PERP: variants seen among roughly 807,000 people sequenced by gnomAD.
PERP encodes p53 apoptosis effector related to PMP-22.
A neutral mutation model predicts 20.3 loss-of-function variants in PERP; 11 were observed. That is an observed-to-expected ratio of 0.54 (90% CI 0.34 to 0.90). The LOEUF (loss-of-function observed/expected upper bound fraction) is 0.90, where lower values mean the gene tolerates loss of function less well. Ranked by LOEUF, PERP falls within the 40% of genes least tolerant of loss-of-function variation. PERP has a pLI of 0.02. For synonymous variants in PERP, 101 were observed against 102.0 expected (o/e 0.99, Z 0.06); for missense variants, 224 against 249.4 (o/e 0.90, Z 0.69).
At position 138,096,600 on chromosome 6, in the gene PERP, C is replaced by G. The variant is rs1346814542; in HGVS notation, c.215-106G>C. 3 of 1,257,074 alleles carry G rather than the reference C, an allele frequency of 2.4e-6. No homozygotes were observed. In the East Asian group the frequency reaches 7.8e-5, roughly 33 times the overall value. The allele number at this position is 1,257,074 out of a possible 1,614,324, so 77.9% of individuals were successfully genotyped here. ...TTGGGCTTTTTTTCCCTACTAGTTACATTTGGATGGAGGGACAGTTTTTCT... is the reference window on the plus strand; with the variant it reads ...TTGGGCTTTTTTTCCCTACTAGTTAGATTTGGATGGAGGGACAGTTTTTCT... On this transcript the variant is annotated intron_variant, in intron 1 of 2. Coordinates refer to ENST00000421351, the MANE Select transcript of PERP (RefSeq NM_022121.5).
At chr6:138,093,718 A>T (rs1418536750) in intron 2 of PERP, among the ~76,000 whole-genome samples, 2 of 152,166 alleles carry the variant, frequency 1.3e-5, no homozygotes, top group Admixed American at 6.5e-5. Context: ...ATTTCTGCCA[A>T]ATTTAAATTG....
chr6:138,100,253 A>G (rs1350988895), intron 1 of PERP, among the ~76,000 whole-genome samples: 1 of 152,212 alleles, frequency 6.6e-6, no homozygotes, highest in Non-Finnish European at 1.5e-5. Flanking sequence ...TGAAAAGTTA[A>G]TAACTTTATG....
rs749215020 is a variant in PERP at position 138,091,091 on chromosome 6, A to G, written c.*951T>C. On this transcript the variant is annotated 3_prime_UTR_variant, in exon 3 of 3. Transcript: ENST00000421351. ...GTTGCAAACTATCAGAAGCCTGTCT[A>G]TATGATAGAGCCCAGATAAACCTGA... The G allele has an allele frequency of 1.3e-5, 2 of 152,254 alleles. No homozygotes were observed. The highest frequency in any genetic ancestry group is 2.4e-5 in the African/African-American group (1 of 41,470). The allele number at this position is 152,254 out of a possible 1,614,324, so 9.4% of individuals were successfully genotyped here. A position where few individuals can be genotyped will look rare whatever the true frequency, so the allele number is the denominator to read the frequency against.
chr6:138,103,062 G>T (rs942553158), intron 1 of PERP, among the ~76,000 whole-genome samples: 2 of 150,198 alleles, frequency 1.3e-5, no homozygotes, highest in Non-Finnish European at 3.0e-5. Flanking sequence ...TTGTGCCACT[G>T]CACTCCAGCC....
In PERP at chr6:138,103,098, C is replaced by CAAAA. The variant is rs10651274; in HGVS notation, c.214+4025_214+4028dup. Among the ~76,000 whole-genome samples the CAAAA allele has an allele frequency of 1.5e-4, 22 of 147,022 alleles. 1 individual carries two copies. Among genetic ancestry groups the CAAAA allele is most frequent in the East Asian group, 1.2e-3 (6 of 4,852 alleles). ...TGCGCGACAGACCGAGACTCCGTCTCAAAAAAAAAAGAGTAATCTGTCTGC... is the reference window on the plus strand; with the variant it reads ...TGCGCGACAGACCGAGACTCCGTCTCAAAAAAAAAAAAAAGAGTAATCTGTCTGC... On this transcript the variant is annotated intron_variant, in intron 1 of 2. Coordinates refer to ENST00000421351, the MANE Select transcript of PERP (RefSeq NM_022121.5).
At chr6:138,092,465 C>G (rs937538255) in intron 2 of PERP, among the ~76,000 whole-genome samples, 197 bp from the exon 3 acceptor site, 1 of 152,172 alleles carries the variant, frequency 6.6e-6, no homozygotes, top group Admixed American at 6.5e-5. Context: ...ATGCCTGGCA[C>G]TGAGCAGCAT....
Position 138,107,292 on chromosome 6 carries a change from G to A in PERP, c.49C>T (p.Leu17=), listed in dbSNP as rs1160454646. ...ACERCRWILP[L]LLLSAIAFDI... The stretch of plus-strand genomic sequence containing the variant: ...AAGGCGATGGCGCTGAGTAGGAGCA[G>A]GGGCAGGATCCAGCGGCAGCGCTCG... The change falls in exon 1 of 3, where the codon CTG becomes TTG. Residue 17 remains leucine (L), a synonymous_variant. Transcript: ENST00000421351. This position sits in a 1 kb window ranked among gnomAD's most constrained non-coding sequence, Gnocchi z 4.8. 1 of 1,608,714 alleles carries A rather than the reference G, an allele frequency of 6.2e-7. No homozygotes were observed. Among genetic ancestry groups the A allele is most frequent in the East Asian group, 2.2e-5 (1 of 44,806 alleles).
Position 138,107,308 on chromosome 6 carries a change from G to T in PERP, c.33C>A (p.Cys11Ter). 1 of 1,604,482 alleles carries T rather than the reference G, an allele frequency of 6.2e-7. No homozygotes were observed. ...GTAGGAGCAGGGGCAGGATCCAGCG[G>T]CAGCGCTCGCAGGCCAGGCCGCAGC... MIRCGLACER[C>*]RWILPLLLLS... The change falls in exon 1 of 3, where the codon TGC becomes TGA. Residue 11 changes from cysteine to a stop codon, truncating the protein, a stop_gained. Transcript: ENST00000421351. LOFTEE classifies it high-confidence loss of function. The surrounding 1 kb of genome is among the most constrained non-coding windows in gnomAD (Gnocchi z 4.8).
rs1021794933 is a variant in PERP at position 138,089,744 on chromosome 6, A to G, written c.*2298T>C. On this transcript the variant is annotated 3_prime_UTR_variant, in exon 3 of 3. Transcript: ENST00000421351. ...GATCAACAAGGAATGGCAGATCTCT[A>G]TACTAGAACAAGGCTGAAGGAAGCA... The G allele has an allele frequency of 2.6e-5, 4 of 152,200 alleles. No homozygotes were observed. The highest frequency in any genetic ancestry group is 9.7e-5 in the African/African-American group (4 of 41,440). 9.4% of individuals were successfully genotyped at this position (152,200 alleles called of 1,614,324 possible). A position where few individuals can be genotyped will look rare whatever the true frequency, so the allele number is the denominator to read the frequency against.
At chr6:138,098,706 G>C (rs1210921151) in intron 1 of PERP, among the ~76,000 whole-genome samples, 2 of 152,082 alleles carry the variant, frequency 1.3e-5, no homozygotes, top group African/African-American at 4.8e-5. Context: ...TCTTCCTCTA[G>C]ATTCATGAGT....
chr6:138,095,019 C>A (rs1331735177), intron 2 of PERP, among the ~76,000 whole-genome samples: 1 of 152,144 alleles, frequency 6.6e-6, no homozygotes, highest in Non-Finnish European at 1.5e-5. Context: ...CCACACCTGG[C>A]CTTAGTGTGT....
chr6:138,107,234 A>G lies in PERP; in HGVS notation c.107T>C (p.Leu36Ser), dbSNP rs1288958007. 1 of 1,612,180 alleles carries G rather than the reference A, an allele frequency of 6.2e-7. No individual in the cohort carries two copies. The highest frequency in any genetic ancestry group is 8.5e-7 in the Non-Finnish European group (1 of 1,179,686). ...CGTCTGGCCGTGGTCGCTAGACTGCAACCAGCCGCGGCCGGCCAGCGCGAT... is the reference window on the plus strand; with the variant it reads ...CGTCTGGCCGTGGTCGCTAGACTGCGACCAGCCGCGGCCGGCCAGCGCGAT... ...DIIALAGRGW[L>S]QSSDHGQTSS... Residue 36 changes from leucine to serine, a missense_variant, in exon 1 of 3, where the codon TTG becomes TCG. Coordinates refer to ENST00000421351, the MANE Select transcript of PERP (RefSeq NM_022121.5). This position sits in a 1 kb window ranked among gnomAD's most constrained non-coding sequence, Gnocchi z 4.8.
In PERP at chr6:138,091,893, A is replaced by G. The variant is rs1775589240; in HGVS notation, c.*149T>C. 1 of 660,968 alleles carries G rather than the reference A, an allele frequency of 1.5e-6. No homozygotes were observed. Among genetic ancestry groups the G allele is most frequent in the South Asian group, 2.1e-5 (1 of 47,698 alleles). The allele number at this position is 660,968 out of a possible 1,614,324, so 40.9% of individuals were successfully genotyped here. On this transcript the variant is annotated 3_prime_UTR_variant, in exon 3 of 3. Coordinates refer to ENST00000421351, the MANE Select transcript of PERP (RefSeq NM_022121.5). ...ATGAAACTATAACACTACTTAAAAA[A>G]TATTTTCTCCCAAATTATTTTAGCA...
chr6:138,096,255 G>C (rs1055657983), intron 2 of PERP, 99 bp downstream of exon 2: 1 of 1,421,380 alleles, frequency 7.0e-7, no homozygotes, highest in Non-Finnish European at 9.5e-7. Flanking sequence ...GAACAGATTA[G>C]AAACTGTAAC....
chr6:138,105,566 A>G (rs11966595), intron 1 of PERP, among the ~76,000 whole-genome samples: 1,594 of 152,312 alleles, frequency 0.01, 30 homozygotes, highest in African/African-American at 0.036. Context: ...TGCAGGTCAA[A>G]TCATGTCCCG....
rs908334671 is a variant in PERP at position 138,089,872 on chromosome 6, TA to T, written c.*2169del. ...TGGTCCCAGGAGGTTGCATTTTTCCTAAATGTGCGCCGTTAAGGTATTGTGT... is the reference window on the plus strand; with the variant it reads ...TGGTCCCAGGAGGTTGCATTTTTCCTAATGTGCGCCGTTAAGGTATTGTGT... On this transcript the variant is annotated 3_prime_UTR_variant, in exon 3 of 3. Transcript: ENST00000421351. 3.3e-5 allele frequency: 5 copies of T among 152,188 alleles called. No homozygotes were observed. The highest frequency in any genetic ancestry group is 1.2e-4 in the African/African-American group (5 of 41,438). 9.4% of individuals were successfully genotyped at this position (152,188 alleles called of 1,614,324 possible).
intron 2 of PERP, among the ~76,000 whole-genome samples, chr6:138,094,598 G>A (rs938227565): frequency 6.6e-6 from 1 of 152,116 alleles, no homozygotes; most frequent in Admixed American, 6.6e-5. Flanking sequence ...TATGAACATG[G>A]GTTACAAGTA....
At chr6:138,102,705 T>C (rs566004055) in intron 1 of PERP, among the ~76,000 whole-genome samples, 1 of 152,342 alleles carries the variant, frequency 6.6e-6, no homozygotes, top group Non-Finnish European at 1.5e-5. Context: ...CTAGATGTTA[T>C]AAATCATACG....
chr6:138,101,038 T>A (rs186566373), intron 1 of PERP, among the ~76,000 whole-genome samples: 115 of 152,130 alleles, frequency 7.6e-4, no homozygotes, highest in African/African-American at 2.5e-3. Context: ...GATCAACTAA[T>A]AAGAGCAAAA....
Sources: gnomAD v4.1 joint callset for allele counts (sites outside exome capture counted in the v4.1 genomes callset) on GRCh38, gnomAD v4.1.1 for gene constraint, Gnocchi (gnomAD v3.1) non-coding constraint, MANE v1.5 for transcripts, NCBI Gene and HGNC (gene_info 2026-07-23, HGNC 2026-07-21) for gene names.